Variants in PODXL2 observed in about 807,000 individuals in gnomAD.
The protein encoded by PODXL2 is podocalyxin-like protein 2.
In PODXL2, 17 loss-of-function variants were observed where a neutral mutation model predicts 53.4. The ratio of observed to expected loss-of-function variants is 0.32; its 90% confidence interval spans 0.22 to 0.48. PODXL2 has a LOEUF of 0.48. Among genes scored for constraint, PODXL2 ranks in the 20% least tolerant of loss-of-function variants. The pLI is 0.99. For missense variants in PODXL2, 673 were observed against 760.0 expected, an observed-to-expected ratio of 0.89 and a Z score of 1.35; for synonymous variants, 311 against 306.7, an observed-to-expected ratio of 1.01 and a Z score of -0.15.
rs545781145 is a variant in PODXL2 at position 127,652,672 on chromosome 3, C to T, written c.350-7706C>T. Among the ~76,000 whole-genome samples the T allele has an allele frequency of 8.1e-4, 123 of 152,276 alleles. No homozygotes were observed. In the South Asian group the frequency reaches 8.5e-3, roughly 11 times the overall value. On this transcript the variant is annotated intron_variant, in intron 2 of 7. Transcript: ENST00000342480. ...TTCCACGTGTCTCCAGTGTGTCTCC[C>T]GGGCGGCTCGGCTTCCTCACACCTG...
intron 6 of PODXL2, among the ~76,000 whole-genome samples, chr3:127,670,801 G>C (rs985727795): frequency 2.0e-5 from 3 of 152,174 alleles, no homozygotes; most frequent in African/African-American, 7.2e-5. Context: ...GGCCCCTGGC[G>C]CCGATCTCCT....
In PODXL2 at chr3:127,629,417, G is replaced by T. The variant is rs1362838047; in HGVS notation, c.70+128G>T. 5.5e-6 allele frequency: 4 copies of T among 730,186 alleles called. No individual in the cohort carries two copies. In the African/African-American group the frequency reaches 7.7e-5, roughly 14 times the overall value. 45.2% of individuals were successfully genotyped at this position (730,186 alleles called of 1,614,324 possible). A position where few individuals can be genotyped will look rare whatever the true frequency, so the allele number is the denominator to read the frequency against. On this transcript the variant is annotated intron_variant, in intron 1 of 7. Transcript: ENST00000342480. The surrounding 1 kb of genome is among the most constrained non-coding windows in gnomAD (Gnocchi z 6.4). ...GCCGGGAGCGCGCGTGTCCCGGCCG[G>T]GCCGCGGCGCCGCCCCGACACACGC...
chr3:127,631,560 G>C (rs914260914), intron 1 of PODXL2, among the ~76,000 whole-genome samples: 1 of 152,154 alleles, frequency 6.6e-6, no homozygotes, highest in South Asian at 2.1e-4. Flanking sequence ...TGATGTAACA[G>C]AAAATTATAG....
intron 4 of PODXL2, among the ~76,000 whole-genome samples, chr3:127,667,479 G>T (rs2107545297): frequency 6.6e-6 from 1 of 152,362 alleles, no homozygotes; most frequent in South Asian, 2.1e-4. Flanking sequence ...GTTCAGGAGG[G>T]AGAAGGCTGC....
intron 2 of PODXL2, among the ~76,000 whole-genome samples, chr3:127,656,591 C>T (rs998925224): frequency 2.0e-5 from 3 of 151,744 alleles, no homozygotes; most frequent in East Asian, 1.9e-4. Context: ...AAACATTAGC[C>T]GGGCGTGGTG....
intron 1 of PODXL2, among the ~76,000 whole-genome samples, chr3:127,630,498 C>T (rs1426499428): frequency 6.6e-6 from 1 of 152,164 alleles, no homozygotes; most frequent in African/African-American, 2.4e-5. Flanking sequence ...GACACAGGCA[C>T]TTTGTGTCCA....
intron 2 of PODXL2, among the ~76,000 whole-genome samples, chr3:127,656,355 C>T (rs1358862004): frequency 3.3e-5 from 5 of 152,262 alleles, no homozygotes; most frequent in Admixed American, 1.3e-4. Flanking sequence ...TTTGGCAGGC[C>T]AAGGCAGGAG....
At chr3:127,650,126 A>C (rs1003149687) in intron 2 of PODXL2, among the ~76,000 whole-genome samples, 1 of 152,210 alleles carries the variant, frequency 6.6e-6, no homozygotes, top group East Asian at 1.9e-4. Context: ...TGATCTTTCA[A>C]GGGCTCTGGC....
At chr3:127,667,088 C>G (rs1209373414) in intron 4 of PODXL2, among the ~76,000 whole-genome samples, 3 of 152,266 alleles carry the variant, frequency 2.0e-5, no homozygotes, top group South Asian at 4.1e-4. Context: ...TCCATCTGCT[C>G]TATGGCCATC....
chr3:127,669,751 C>G (rs2074819883), intron 6 of PODXL2, among the ~76,000 whole-genome samples: 1 of 152,192 alleles, frequency 6.6e-6, no homozygotes, highest in African/African-American at 2.4e-5. Context: ...TTAGGAGGTG[C>G]CCCCACCCAG....
chr3:127,671,739 G>C (rs967865204), intron 7 of PODXL2, 126 bp downstream of exon 7: 1 of 902,020 alleles, frequency 1.1e-6, no homozygotes, highest in Non-Finnish European at 1.7e-6. Flanking sequence ...TGAAGCAGCT[G>C]GTCAGCCTAG....
chr3:127,667,371 G>A (rs958272481), intron 4 of PODXL2, among the ~76,000 whole-genome samples: 117 of 152,368 alleles, frequency 7.7e-4, no homozygotes, highest in African/African-American at 2.5e-3. Flanking sequence ...CTGGCTCTCA[G>A]CTGCATAGCA....
intron 7 of PODXL2, among the ~76,000 whole-genome samples, 177 bp from the exon 8 acceptor site, chr3:127,672,091 A>G (rs556980261): frequency 4.6e-5 from 7 of 152,376 alleles, no homozygotes; most frequent in African/African-American, 1.4e-4. Context: ...TGTAGTGCCA[A>G]CGACTAGTAG....
At chr3:127,658,834 TTTC>T (rs1436665596) in intron 2 of PODXL2, among the ~76,000 whole-genome samples, 12 of 151,718 alleles carry the variant, frequency 7.9e-5, no homozygotes, top group African/African-American at 2.7e-4. Flanking sequence ...TGAAACTTTT[TTTC>T]TTTGTTTCTC....
In PODXL2 at chr3:127,655,561, T is replaced by C. The variant is rs115120220; in HGVS notation, c.350-4817T>C. Reference sequence around the variant, plus strand: ...AGCCCTGTGTGGCAGGTACTATTTTTATTTTACACTTAAGGAAAGGGAGAC... The same window carrying C: ...AGCCCTGTGTGGCAGGTACTATTTTCATTTTACACTTAAGGAAAGGGAGAC... On this transcript the variant is annotated intron_variant, in intron 2 of 7. Transcript: ENST00000342480. 2.9e-3 allele frequency among the ~76,000 whole-genome samples: 448 copies of C among 152,312 alleles called. 3 individuals are homozygous for C. Among genetic ancestry groups the C allele is most frequent in the African/African-American group, 9.9e-3 (413 of 41,566 alleles).
chr3:127,671,182 C>A (rs987409660), intron 6 of PODXL2, among the ~76,000 whole-genome samples: 8 of 152,098 alleles, frequency 5.3e-5, no homozygotes, highest in African/African-American at 1.4e-4. Context: ...GCGGCTGGGG[C>A]AGAAGCTATG....
intron 1 of PODXL2, among the ~76,000 whole-genome samples, chr3:127,633,538 A>G (rs909353776): frequency 4.0e-5 from 6 of 151,610 alleles, no homozygotes; most frequent in African/African-American, 1.5e-4. Context: ...TCTATTAACT[A>G]GCTGTTTGAC....
chr3:127,647,693 G>T (rs1040367126), intron 2 of PODXL2, among the ~76,000 whole-genome samples: 1 of 152,208 alleles, frequency 6.6e-6, no homozygotes, highest in Non-Finnish European at 1.5e-5. Flanking sequence ...TTCTCAGGCA[G>T]GCTGGTCCTG....
chr3:127,641,553 G>T (rs765547403), intron 2 of PODXL2, among the ~76,000 whole-genome samples: 2 of 151,722 alleles, frequency 1.3e-5, no homozygotes, highest in African/African-American at 2.4e-5. Context: ...TGCTCTTGTT[G>T]CCCAGGCTGG....
Sources: allele counts gnomAD v4.1 joint callset (sites outside exome capture counted in the v4.1 genomes callset), GRCh38; gene constraint gnomAD v4.1.1; non-coding constraint Gnocchi (gnomAD v3.1); transcripts MANE v1.5; gene names NCBI Gene and HGNC (gene_info 2026-07-23, HGNC 2026-07-21).